The following ARL5A variants were observed in gnomAD, a reference collection of about 807,000 sequenced individuals.
ARL5A encodes ADP-ribosylation factor-like protein 5A.
Under a neutral mutation model 25.9 loss-of-function variants are expected in ARL5A, and 18 were observed. The observed-to-expected ratio is 0.69, with a 90% CI of 0.48 to 1.03. The LOEUF is 1.03. ARL5A is among the 50% of genes least tolerant of loss of function. ARL5A has a pLI of 0.00. For synonymous variants in ARL5A, 61 were observed against 67.5 expected, an observed-to-expected ratio of 0.90 and a Z score of 0.47; for missense variants, 170 against 211.9, an observed-to-expected ratio of 0.80 and a Z score of 1.23.
At chr2:151,805,555 C>T (rs1048480573) in intron 5 of ARL5A, among the ~76,000 whole-genome samples, 1 of 152,148 alleles carries the variant, frequency 6.6e-6, no homozygotes, top group East Asian at 1.9e-4. Context: ...GTGATTTCAT[C>T]ATTGTGTGAA....
intron 1 of ARL5A, among the ~76,000 whole-genome samples, chr2:151,822,994 T>A (rs1471320521): frequency 6.6e-6 from 1 of 152,222 alleles, no homozygotes; most frequent in Non-Finnish European, 1.5e-5. Context: ...TAATAATAAT[T>A]GTTATTGTAG....
chr2:151,820,679 A>AAAAAAAAAAAG (rs2099832178), intron 1 of ARL5A, among the ~76,000 whole-genome samples: 1 of 150,874 alleles, frequency 6.6e-6, no homozygotes, highest in Non-Finnish European at 1.5e-5. Flanking sequence ...AAAAAAAAAA[A>AAAAAAAAAAAG]AAAAAACAGA....
At chr2:151,827,249 T>C (rs983464947) in intron 1 of ARL5A, among the ~76,000 whole-genome samples, 1 of 152,242 alleles carries the variant, frequency 6.6e-6, no homozygotes, top group African/African-American at 2.4e-5. Flanking sequence ...TGTATTCTCT[T>C]TCCCCAGTTT....
At position 151,799,739 on chromosome 2, in the gene ARL5A, A is replaced by C. The variant is rs1173858686; in HGVS notation, c.*3537T>G. 6.6e-6 allele frequency: 1 copy of C among 152,254 alleles called. No homozygotes were observed. Among genetic ancestry groups the C allele is most frequent in the East Asian group, 1.9e-4 (1 of 5,204 alleles). The allele number at this position is 152,254 out of a possible 1,614,324, so 9.4% of individuals were successfully genotyped here. A position where few individuals can be genotyped will look rare whatever the true frequency, so the allele number is the denominator to read the frequency against. ...TAATGCTCTCTAATGAGCAAAGTCC[A>C]AATCACTACCTCAAGCCAGTGGTGA... On this transcript the variant is annotated 3_prime_UTR_variant, in exon 6 of 6. Coordinates refer to ENST00000295087, the MANE Select transcript of ARL5A (RefSeq NM_012097.4).
rs2099829058 is a variant in ARL5A at position 151,798,987 on chromosome 2, G to C, written c.*4289C>G. 1 of 152,108 alleles carries C rather than the reference G, an allele frequency of 6.6e-6. No homozygotes were observed. The highest frequency in any genetic ancestry group is 1.5e-5 in the Non-Finnish European group (1 of 68,008). The allele number at this position is 152,108 out of a possible 1,614,324, so 9.4% of individuals were successfully genotyped here. A position where few individuals can be genotyped will look rare whatever the true frequency, so the allele number is the denominator to read the frequency against. ...GGGCTAGACATTGATAAGAAATACT[G>C]CATAACTAATCCAAGTGTATCCTGG... On this transcript the variant is annotated 3_prime_UTR_variant, in exon 6 of 6. Coordinates refer to ENST00000295087, the MANE Select transcript of ARL5A (RefSeq NM_012097.4).
intron 5 of ARL5A, 131 bp downstream of exon 5, chr2:151,806,690 A>T: frequency 1.2e-6 from 1 of 865,704 alleles, no homozygotes; most frequent in Non-Finnish European, 1.7e-6. Flanking sequence ...TATAGACATG[A>T]ACTACAGCTT....
intron 1 of ARL5A, among the ~76,000 whole-genome samples, chr2:151,820,131 T>C (rs761207914): frequency 3.3e-5 from 5 of 152,206 alleles, no homozygotes; most frequent in Admixed American, 6.5e-5. Context: ...CAGGATTTCA[T>C]CTTATAACAC....
chr2:151,803,905 T>C (rs933119350), intron 5 of ARL5A, among the ~76,000 whole-genome samples: 1 of 152,170 alleles, frequency 6.6e-6, no homozygotes, highest in African/African-American at 2.4e-5. Flanking sequence ...TAGACTTACA[T>C]ACAAAACTGT....
At chr2:151,820,417 T>TG (rs2099832113) in intron 1 of ARL5A, among the ~76,000 whole-genome samples, 2 of 152,070 alleles carry the variant, frequency 1.3e-5, no homozygotes, top group Admixed American at 6.6e-5. Context: ...CCCAGCACTT[T>TG]GGGGGGCTGA....
chr2:151,805,506 T>C (rs1267004662), intron 5 of ARL5A, among the ~76,000 whole-genome samples: 3 of 152,306 alleles, frequency 2.0e-5, no homozygotes, highest in Admixed American at 6.5e-5. Context: ...CAATCATGCA[T>C]CATTTAATGA....
intron 1 of ARL5A, among the ~76,000 whole-genome samples, chr2:151,818,833 T>TA (rs1172684617): frequency 6.6e-6 from 1 of 152,196 alleles, no homozygotes; most frequent in Non-Finnish European, 1.5e-5. Flanking sequence ...CTGACTTGGA[T>TA]AAGAGTTTTT....
intron 5 of ARL5A, among the ~76,000 whole-genome samples, chr2:151,805,073 G>A (rs914101669): frequency 2.6e-5 from 4 of 151,908 alleles, no homozygotes; most frequent in African/African-American, 4.8e-5. Context: ...CCTAGATGAC[G>A]TGTCTTTATT....
intron 4 of ARL5A, chr2:151,810,478 G>A: frequency 2.7e-6 from 1 of 376,968 alleles, no homozygotes; most frequent in South Asian, 2.0e-5. Context: ...AACTTCATCT[G>A]TAATTCCTTT....
intron 1 of ARL5A, among the ~76,000 whole-genome samples, chr2:151,826,667 T>C (rs1163998126): frequency 6.6e-6 from 1 of 152,230 alleles, no homozygotes; most frequent in Non-Finnish European, 1.5e-5. Flanking sequence ...TACAGCAATG[T>C]ACGTTTTAAT....
At chr2:151,827,500 C>G (rs983059540) in intron 1 of ARL5A, 1 of 152,096 alleles carries the variant, frequency 6.6e-6, no homozygotes, top group African/African-American at 2.4e-5. Flanking sequence ...AGAAAAATGA[C>G]CTTAAGCTTA....
rs1165174758 is a variant in ARL5A at position 151,801,642 on chromosome 2, C to T, written c.*1634G>A. Reference sequence around the variant, plus strand: ...ACATCCAATGTTAAATACTGATATCCCATGCCTGACCTGGATTTAGATATT... The same window carrying T: ...ACATCCAATGTTAAATACTGATATCTCATGCCTGACCTGGATTTAGATATT... On this transcript the variant is annotated 3_prime_UTR_variant, in exon 6 of 6. Transcript: ENST00000295087. The T allele has an allele frequency of 6.6e-6, 1 of 151,860 alleles. No homozygotes were observed. Among genetic ancestry groups the T allele is most frequent in the Non-Finnish European group, 1.5e-5 (1 of 67,888 alleles). 9.4% of individuals were successfully genotyped at this position (151,860 alleles called of 1,614,324 possible). A position where few individuals can be genotyped will look rare whatever the true frequency, so the allele number is the denominator to read the frequency against.
chr2:151,814,769 TCTCA>T (rs1190348319), intron 2 of ARL5A, among the ~76,000 whole-genome samples: 1 of 151,966 alleles, frequency 6.6e-6, no homozygotes, highest in Non-Finnish European at 1.5e-5. Flanking sequence ...AGAGATGGCA[TCTCA>T]CTATGTGACC....
chr2:151,803,256 T>C lies in ARL5A; in HGVS notation c.*20A>G. ...CAGCACTTCATTTATACAAAATCTA[T>C]GAGAAGAGGTCAGTAGAGATCATCT... On this transcript the variant is annotated 3_prime_UTR_variant, in exon 6 of 6. Transcript: ENST00000295087. 6.3e-7 allele frequency: 1 copy of C among 1,597,572 alleles called. No homozygotes were observed. Among genetic ancestry groups the C allele is most frequent in the Non-Finnish European group, 8.6e-7 (1 of 1,166,188 alleles).
At chr2:151,803,359 G>C in intron 5 of ARL5A, 35 bp from the exon 6 acceptor site, 3 of 1,529,372 alleles carry the variant, frequency 2.0e-6, no homozygotes, top group Non-Finnish European at 2.7e-6. Flanking sequence ...ATTAAATTCT[G>C]AACTAAGAAG....
Sources: allele counts gnomAD v4.1 joint callset (sites outside exome capture counted in the v4.1 genomes callset), GRCh38; gene constraint gnomAD v4.1.1; transcripts MANE v1.5; gene names NCBI Gene and HGNC (gene_info 2026-07-23, HGNC 2026-07-21).